The following KCTD8 variants were observed in gnomAD, a reference collection of about 807,000 sequenced individuals.
KCTD8 encodes BTB/POZ domain-containing protein KCTD8.
KCTD8 carries 27 observed loss-of-function variants against 31.5 expected under a neutral mutation model. The observed-to-expected ratio is 0.86, with a 90% CI of 0.63 to 1.18. The LOEUF (loss-of-function observed/expected upper bound fraction) is 1.18. KCTD8 is among the 50% of genes most tolerant of loss of function. KCTD8 has a pLI of 0.00. For synonymous variants in KCTD8, 290 were observed against 280.0 expected, an observed-to-expected ratio of 1.04 and a Z score of -0.36; for missense variants, 658 against 647.7, an observed-to-expected ratio of 1.02 and a Z score of -0.17.
chr4:44,351,440 T>C (rs984599170), intron 1 of KCTD8, among the ~76,000 whole-genome samples: 1 of 152,100 alleles, frequency 6.6e-6, no homozygotes, highest in Non-Finnish European at 1.5e-5. Context: ...AAATTAGATT[T>C]CCATATCATT....
intron 1 of KCTD8, among the ~76,000 whole-genome samples, chr4:44,257,865 G>A (rs780504168): frequency 5.9e-5 from 9 of 152,044 alleles, no homozygotes; most frequent in East Asian, 1.9e-4. Flanking sequence ...GTCTTCATCC[G>A]TTGACTTGAA....
chr4:44,271,285 G>A (rs1294785036), intron 1 of KCTD8, among the ~76,000 whole-genome samples: 1 of 152,024 alleles, frequency 6.6e-6, no homozygotes, highest in Non-Finnish European at 1.5e-5. Context: ...CCTCTAGAAG[G>A]TATATTCACC....
intron 1 of KCTD8, among the ~76,000 whole-genome samples, chr4:44,238,239 C>T (rs936930836): frequency 3.3e-5 from 5 of 151,986 alleles, no homozygotes; most frequent in African/African-American, 1.2e-4. Flanking sequence ...CCTCTTTCAG[C>T]TTGAGCTTTA....
At chr4:44,220,283 G>A (rs141182233) in intron 1 of KCTD8, among the ~76,000 whole-genome samples, 1 of 152,312 alleles carries the variant, frequency 6.6e-6, no homozygotes, top group East Asian at 1.9e-4. Flanking sequence ...AAAGAGGCAA[G>A]TCTGGGAAGG....
Position 44,448,553 on chromosome 4 carries a change from A to G in KCTD8, c.-30T>C. ...CCCCCGCCGCCGGCCCAGTGACCCG[A>G]GAGAGCTGCACTTTCTCGTTCCCGG... On this transcript the variant is annotated 5_prime_UTR_variant, in exon 1 of 2. Transcript: ENST00000360029. The surrounding 1 kb of genome is among the most constrained non-coding windows in gnomAD (Gnocchi z 4.1). The G allele has an allele frequency of 6.9e-7, 1 of 1,441,348 alleles. No individual in the cohort carries two copies. Among genetic ancestry groups the G allele is most frequent in the Non-Finnish European group, 9.1e-7 (1 of 1,102,172 alleles). 89.3% of individuals were successfully genotyped at this position (1,441,348 alleles called of 1,614,324 possible). A position where few individuals can be genotyped will look rare whatever the true frequency, so the allele number is the denominator to read the frequency against.
intron 1 of KCTD8, among the ~76,000 whole-genome samples, chr4:44,226,070 C>T (rs931041505): frequency 5.3e-5 from 8 of 152,016 alleles, no homozygotes; most frequent in Non-Finnish European, 1.0e-4. Context: ...CCTTGTGATC[C>T]GCCCACCTCG....
intron 1 of KCTD8, among the ~76,000 whole-genome samples, chr4:44,292,530 T>C (rs1042779856): frequency 6.6e-6 from 1 of 152,138 alleles, no homozygotes; most frequent in African/African-American, 2.4e-5. Context: ...CTATGCTCTC[T>C]ACCTGAGTGA....
intron 1 of KCTD8, among the ~76,000 whole-genome samples, chr4:44,372,603 C>T (rs1560438645): frequency 1.3e-5 from 2 of 151,144 alleles, no homozygotes. Context: ...GTAAAGAAAC[C>T]TTTTTTTTTC....
chr4:44,252,472 C>A (rs574841802), intron 1 of KCTD8, among the ~76,000 whole-genome samples: 6 of 151,818 alleles, frequency 4.0e-5, no homozygotes, highest in African/African-American at 1.4e-4. Flanking sequence ...GTTTACATTC[C>A]CACCATCAAT....
intron 1 of KCTD8, among the ~76,000 whole-genome samples, chr4:44,378,204 A>G (rs1719965197): frequency 6.9e-6 from 1 of 145,236 alleles, no homozygotes; most frequent in Non-Finnish European, 1.5e-5. Flanking sequence ...ATACATACAT[A>G]TATATGTATG....
chr4:44,285,108 A>C (rs1040366306), intron 1 of KCTD8, among the ~76,000 whole-genome samples: 3 of 152,164 alleles, frequency 2.0e-5, no homozygotes, highest in Non-Finnish European at 4.4e-5. Flanking sequence ...TTGACCCAGC[A>C]ATCCCATTAC....
intron 1 of KCTD8, among the ~76,000 whole-genome samples, chr4:44,390,106 G>A (rs1402367036): frequency 1.3e-5 from 2 of 151,864 alleles, no homozygotes; most frequent in Non-Finnish European, 2.9e-5. Context: ...TCTGCTAATT[G>A]TTTATTTTGT....
intron 1 of KCTD8, among the ~76,000 whole-genome samples, chr4:44,366,838 T>G (rs916597897): frequency 2.6e-5 from 4 of 152,144 alleles, no homozygotes; most frequent in Non-Finnish European, 5.9e-5. Flanking sequence ...GCAGGTGGGA[T>G]CTACCCCCAC....
chr4:44,287,933 T>C (rs189516428), intron 1 of KCTD8, among the ~76,000 whole-genome samples: 1 of 152,248 alleles, frequency 6.6e-6, no homozygotes, highest in African/African-American at 2.4e-5. Context: ...AATAATCTCA[T>C]AAATATTATA....
chr4:44,238,003 C>T (rs1249920124), intron 1 of KCTD8, among the ~76,000 whole-genome samples: 25 of 152,194 alleles, frequency 1.6e-4, no homozygotes, highest in Admixed American at 1.6e-3. Context: ...CAAACTTCCA[C>T]TATATTTCAC....
chr4:44,393,060 G>A (rs1351759847), intron 1 of KCTD8, among the ~76,000 whole-genome samples: 2 of 152,012 alleles, frequency 1.3e-5, no homozygotes, highest in African/African-American at 2.4e-5. Context: ...TGCAGGAAAT[G>A]GTAATAACAC....
chr4:44,370,270 A>G (rs949330614), intron 1 of KCTD8, among the ~76,000 whole-genome samples: 10 of 152,210 alleles, frequency 6.6e-5, no homozygotes, highest in African/African-American at 2.4e-5. Context: ...TTGCAAATGT[A>G]TACATAAGAA....
chr4:44,323,507 C>A lies in KCTD8; in HGVS notation c.961+124056G>T, dbSNP rs192910221. 1.1e-3 allele frequency among the ~76,000 whole-genome samples: 144 copies of A among 135,692 alleles called. 2 individuals carry two copies. The East Asian group carries it at 0.011, about 11-fold the overall frequency. The allele number at this position is 135,692 out of a possible 152,430, so 89.0% of individuals were successfully genotyped here. A position where few individuals can be genotyped will look rare whatever the true frequency, so the allele number is the denominator to read the frequency against. On this transcript the variant is annotated intron_variant, in intron 1 of 1. Transcript: ENST00000360029. ...GAAACTCCATCCCCACCCACCCCCC[C>A]CCAAAAAAAATTAAAAATTAAAAAA...
chr4:44,259,129 C>T (rs1037464020), intron 1 of KCTD8, among the ~76,000 whole-genome samples: 2 of 151,904 alleles, frequency 1.3e-5, no homozygotes, highest in Non-Finnish European at 2.9e-5. Context: ...AAAGCACTTA[C>T]ACTTCAGCTA....
Sources: allele counts gnomAD v4.1 joint callset (sites outside exome capture counted in the v4.1 genomes callset), GRCh38; gene constraint gnomAD v4.1.1; non-coding constraint Gnocchi (gnomAD v3.1); transcripts MANE v1.5; gene names NCBI Gene and HGNC (gene_info 2026-07-23, HGNC 2026-07-21).